PPFIA1: variants seen among roughly 807,000 people sequenced by gnomAD.
The protein encoded by PPFIA1 is PPFI scaffold protein A1.
A neutral mutation model predicts 149.9 loss-of-function variants in PPFIA1; 25 were observed. The observed-to-expected ratio is 0.17, with a 90% CI of 0.12 to 0.23. The LOEUF (loss-of-function observed/expected upper bound fraction) is 0.23. Among genes scored for constraint, PPFIA1 ranks in the 10% least tolerant of loss-of-function variants. The pLI is 1.00. For synonymous variants in PPFIA1, 549 were observed against 552.8 expected, an observed-to-expected ratio of 0.99 and a Z score of 0.10; for missense variants, 1,362 against 1,506.5, an observed-to-expected ratio of 0.90 and a Z score of 1.59.
intron 17 of PPFIA1, 136 bp downstream of exon 17, chr11:70,354,588 TG>T: frequency 2.0e-6 from 2 of 990,870 alleles, no homozygotes; most frequent in Non-Finnish European, 1.4e-6. Context: ...TGTATTTACA[TG>T]TTACACTTAG....
intron 11 of PPFIA1, among the ~76,000 whole-genome samples, chr11:70,336,248 A>G (rs2054972724): frequency 6.6e-6 from 1 of 152,120 alleles, no homozygotes; most frequent in African/African-American, 2.4e-5. Context: ...CACGTCTGTA[A>G]TCCCAGCACT....
intron 5 of PPFIA1, 80 bp from the exon 6 acceptor site, chr11:70,326,182 T>C (rs1398348099): frequency 1.2e-6 from 1 of 820,124 alleles, no homozygotes; most frequent in East Asian, 2.7e-5. Flanking sequence ...AGTTGTGTTT[T>C]TCCAAAAGGA....
chr11:70,309,614 A>G (rs2053120856), intron 2 of PPFIA1, among the ~76,000 whole-genome samples: 1 of 152,172 alleles, frequency 6.6e-6, no homozygotes, highest in Non-Finnish European at 1.5e-5. Flanking sequence ...AACTCCCATG[A>G]AAAAATCCCA....
At chr11:70,281,682 T>C (rs2050767363) in intron 2 of PPFIA1, among the ~76,000 whole-genome samples, 2 of 152,168 alleles carry the variant, frequency 1.3e-5, no homozygotes, top group African/African-American at 4.8e-5. Flanking sequence ...CAGTTATCAG[T>C]GTACTGCCCC....
Position 70,372,338 on chromosome 11 carries a change from T to G in PPFIA1, c.2989T>G (p.Leu997Val), listed in dbSNP as rs2057305978. The change falls in exon 22 of 28, where the codon TTG (leucine) becomes GTG (valine). Residue 997 changes from leucine (L) to valine (V), a missense_variant. Leu to Val is a conservative substitution (Grantham distance 32, BLOSUM62 1). Transcript: ENST00000253925. ...CLVDARMLDH[L>V]TKKDLRGQLK... ...TGTAGACGCCAGGATGCTGGACCAC[T>G]TGACCAAGAAAGACCTTCGAGGGCA... 1 of 1,614,102 alleles carries G rather than the reference T, an allele frequency of 6.2e-7. No individual in the cohort carries two copies. The highest frequency in any genetic ancestry group is 1.7e-5 in the Admixed American group (1 of 60,006).
At chr11:70,320,891 T>C (rs2053898063) in intron 2 of PPFIA1, among the ~76,000 whole-genome samples, 1 of 152,100 alleles carries the variant, frequency 6.6e-6, no homozygotes, top group East Asian at 1.9e-4. Flanking sequence ...TCTACCAGGG[T>C]CTGCACTGTT....
chr11:70,328,575 A>T (rs962695227), intron 7 of PPFIA1, among the ~76,000 whole-genome samples: 2 of 152,106 alleles, frequency 1.3e-5, no homozygotes, highest in Admixed American at 1.3e-4. Context: ...AACGATTTAT[A>T]TTCCTTTGGG....
chr11:70,320,337 A>C (rs1392369450), intron 2 of PPFIA1: 1 of 152,220 alleles, frequency 6.6e-6, no homozygotes, highest in African/African-American at 2.4e-5. Flanking sequence ...ACTGAGCCGC[A>C]GGCTCCAAGC....
intron 26 of PPFIA1, chr11:70,378,422 A>C: frequency 7.9e-7 from 1 of 1,263,834 alleles, no homozygotes. Flanking sequence ...GAATCTTAGC[A>C]TATTTTTCCA....
At chr11:70,299,905 A>G (rs1318178750) in intron 2 of PPFIA1, among the ~76,000 whole-genome samples, 3 of 152,172 alleles carry the variant, frequency 2.0e-5, no homozygotes. Context: ...AACCTCAGCC[A>G]TCGCTTTGGG....
chr11:70,347,965 T>A (rs2055817023), intron 15 of PPFIA1, among the ~76,000 whole-genome samples: 1 of 152,186 alleles, frequency 6.6e-6, no homozygotes, highest in Admixed American at 6.5e-5. Flanking sequence ...ATCGCGCCAC[T>A]GCACTCTAGC....
chr11:70,278,975 T>G (rs2050577239), intron 2 of PPFIA1: 1 of 601,616 alleles, frequency 1.7e-6, no homozygotes, highest in Non-Finnish European at 3.2e-6. Context: ...GAATGACACC[T>G]TTACCAGCAA....
intron 24 of PPFIA1, among the ~76,000 whole-genome samples, 159 bp from the exon 25 acceptor site, chr11:70,376,373 C>A (rs1000938464): frequency 1.6e-4 from 25 of 152,060 alleles, no homozygotes; most frequent in African/African-American, 5.6e-4. Flanking sequence ...GTGGTCTGTC[C>A]GCCTTGGCGT....
In PPFIA1 at chr11:70,339,360, C is replaced by T. The variant is rs188620322; in HGVS notation, c.1707+54C>T. On this transcript the variant is annotated intron_variant, in intron 14 of 27. Coordinates refer to ENST00000253925, the MANE Select transcript of PPFIA1 (RefSeq NM_003626.5). ...TTACGTGAAAGTTACCTACTTATCC[C>T]GTGGCTTTCAGACTACTTTGGGATA... 30 of 1,565,172 alleles carry T rather than the reference C, an allele frequency of 1.9e-5. No individual in the cohort carries two copies. In the Admixed American group the frequency reaches 2.8e-4, roughly 15 times the overall value.
intron 12 of PPFIA1, among the ~76,000 whole-genome samples, chr11:70,337,936 G>T (rs1189159509): frequency 6.6e-6 from 1 of 152,190 alleles, no homozygotes; most frequent in Non-Finnish European, 1.5e-5. Flanking sequence ...CGTCTGGCCA[G>T]TGTTGGACAG....
At chr11:70,284,737 G>A (rs985847600) in intron 2 of PPFIA1, among the ~76,000 whole-genome samples, 1 of 152,128 alleles carries the variant, frequency 6.6e-6, no homozygotes, top group Non-Finnish European at 1.5e-5. Context: ...TGGCGGTGGG[G>A]CTACTTGAGC....
intron 22 of PPFIA1, 33 bp downstream of exon 22, chr11:70,372,423 C>CT (rs2057310636): frequency 1.9e-6 from 3 of 1,613,204 alleles, no homozygotes; most frequent in Non-Finnish European, 2.5e-6. Flanking sequence ...TAATAATTGG[C>CT]TAAGATTTTT....
intron 21 of PPFIA1, 131 bp from the exon 22 acceptor site, chr11:70,372,084 T>G (rs2057293905): frequency 5.3e-6 from 4 of 753,888 alleles, no homozygotes; most frequent in Admixed American, 3.5e-5. Context: ...CAAATTATTT[T>G]GCAATTATAA....
chr11:70,364,058 C>T (rs1416913980), intron 21 of PPFIA1, among the ~76,000 whole-genome samples: 1 of 152,150 alleles, frequency 6.6e-6, no homozygotes, highest in African/African-American at 2.4e-5. Context: ...CTCCCTTCCC[C>T]ATCATTCCAG....
Sources: allele counts gnomAD v4.1 joint callset (sites outside exome capture counted in the v4.1 genomes callset), GRCh38; gene constraint gnomAD v4.1.1; transcripts MANE v1.5; gene names NCBI Gene and HGNC (gene_info 2026-07-23, HGNC 2026-07-21).